HP1BP3: variants seen among roughly 807,000 people sequenced by gnomAD.
HP1BP3 encodes heterochromatin protein 1 binding protein 3.
Under a neutral mutation model 62.5 loss-of-function variants are expected in HP1BP3, and 12 were observed. The ratio of observed to expected loss-of-function variants is 0.19; its 90% CI spans 0.12 to 0.31. The LOEUF (loss-of-function observed/expected upper bound fraction) is 0.31. Among genes scored for constraint, HP1BP3 ranks in the 10% least tolerant of loss-of-function variants. The pLI is 1.00. For synonymous variants in HP1BP3, 260 were observed against 237.8 expected (o/e 1.09, Z -0.86); for missense variants, 502 against 651.8 (o/e 0.77, Z 2.50).
chr1:20,750,772 C>T (rs1295769595), intron 9 of HP1BP3, among the ~76,000 whole-genome samples: 1 of 150,914 alleles, frequency 6.6e-6, no homozygotes, highest in East Asian at 1.9e-4. Flanking sequence ...AAGACATGTA[C>T]GATCATCCAC....
At chr1:20,765,855 C>T (rs907592805) in intron 7 of HP1BP3, among the ~76,000 whole-genome samples, 1 of 151,202 alleles carries the variant, frequency 6.6e-6, no homozygotes, top group Non-Finnish European at 1.5e-5. Context: ...ATCCCAGATA[C>T]TTGGAAGGCT....
In HP1BP3 at chr1:20,751,786, C is replaced by T. The variant is rs1038412999; in HGVS notation, c.982-1904G>A. Among the ~76,000 whole-genome samples the T allele has an allele frequency of 6.7e-5, 10 of 149,312 alleles. 1 individual carries two copies. Among genetic ancestry groups the T allele is most frequent in the Admixed American group, 6.0e-4 (9 of 15,004 alleles). Reference sequence around the variant, plus strand: ...ATACAAAAGAAAATTACATAGCATACTTTGAAAATGAAAGGTGTGGTAACA... The same window carrying T: ...ATACAAAAGAAAATTACATAGCATATTTTGAAAATGAAAGGTGTGGTAACA... On this transcript the variant is annotated intron_variant, in intron 9 of 12. Transcript: ENST00000438032.
intron 9 of HP1BP3, among the ~76,000 whole-genome samples, chr1:20,756,347 T>C (rs1000753529): frequency 6.6e-6 from 1 of 152,138 alleles, no homozygotes; most frequent in Non-Finnish European, 1.5e-5. Flanking sequence ...TGTCTTCTGT[T>C]ATGCTAGATG....
chr1:20,749,216 TTTAAA>T (rs780948066), intron 10 of HP1BP3, among the ~76,000 whole-genome samples: 3 of 152,196 alleles, frequency 2.0e-5, no homozygotes, highest in East Asian at 1.9e-4. Context: ...AAGCAGATGC[TTTAAA>T]TTAAGAATTC....
intron 9 of HP1BP3, among the ~76,000 whole-genome samples, chr1:20,755,992 G>A (rs2056082617): frequency 6.6e-6 from 1 of 152,204 alleles, no homozygotes; most frequent in South Asian, 2.1e-4. Flanking sequence ...GAGGCTGCTG[G>A]TGGAATAGGG....
Position 20,776,067 on chromosome 1 carries a change from T to C in HP1BP3, c.350+530A>G, listed in dbSNP as rs555607919. 7.7e-4 allele frequency: 1,044 copies of C among 1,357,690 alleles called. 13 individuals carry two copies. In the South Asian group the frequency reaches 0.013, roughly 17 times the overall value. The allele number at this position is 1,357,690 out of a possible 1,614,324, so 84.1% of individuals were successfully genotyped here. On this transcript the variant is annotated intron_variant, in intron 4 of 12. Coordinates refer to ENST00000438032, the MANE Select transcript of HP1BP3 (RefSeq NM_001372052.1). The stretch of plus-strand genomic sequence containing the variant: ...AGTAACTGCCATCACTTTATATAGA[T>C]ACACATCAATAGCAAATTTTACTTT...
In HP1BP3 at chr1:20,769,587, ATTTTT is replaced by A. The variant is rs1424401192; in HGVS notation, c.654+1338_654+1342del. Among the ~76,000 whole-genome samples, 4 of 151,612 alleles carry A rather than the reference ATTTTT, an allele frequency of 2.6e-5. No homozygotes were observed. The East Asian group carries it at 7.8e-4, about 30-fold the overall frequency. On this transcript the variant is annotated intron_variant, in intron 6 of 12. Transcript: ENST00000438032. The stretch of plus-strand genomic sequence containing the variant: ...TAAAATAAAATAGAATAAAGAAATA[ATTTTT>A]TTGTAGAGACAGGGCCTCACCTTGC...
intron 8 of HP1BP3, among the ~76,000 whole-genome samples, chr1:20,764,404 C>T (rs886245923): frequency 4.6e-5 from 7 of 151,528 alleles, no homozygotes; most frequent in Admixed American, 3.3e-4. Flanking sequence ...AGTGCAATGG[C>T]GCAATCTCGG....
At position 20,743,449 on chromosome 1, in the gene HP1BP3, G is replaced by A. The variant is rs1176660875; in HGVS notation, c.*1348C>T. 1 of 152,212 alleles carries A rather than the reference G, an allele frequency of 6.6e-6. No homozygotes were observed. Among genetic ancestry groups the A allele is most frequent in the East Asian group, 1.9e-4 (1 of 5,176 alleles). 9.4% of individuals were successfully genotyped at this position (152,212 alleles called of 1,614,324 possible). A position where few individuals can be genotyped will look rare whatever the true frequency, so the allele number is the denominator to read the frequency against. On this transcript the variant is annotated 3_prime_UTR_variant, in exon 13 of 13. Coordinates refer to ENST00000438032, the MANE Select transcript of HP1BP3 (RefSeq NM_001372052.1). The stretch of plus-strand genomic sequence containing the variant: ...GAGGCTGAGGTGAGTGGATCACGAG[G>A]TCAGGAGATCGAGACCATCCTGGCT...
At chr1:20,773,760 A>T in intron 4 of HP1BP3, 150 bp from the exon 5 acceptor site, 1 of 480,968 alleles carries the variant, frequency 2.1e-6, no homozygotes. Flanking sequence ...AAATTTTACA[A>T]AATAAATCTT....
At chr1:20,769,243 C>T (rs1366373857) in intron 6 of HP1BP3, among the ~76,000 whole-genome samples, 1 of 152,112 alleles carries the variant, frequency 6.6e-6, no homozygotes, top group Non-Finnish European at 1.5e-5. Flanking sequence ...GCATGCACCC[C>T]TACATTTGGC....
intron 1 of HP1BP3, among the ~76,000 whole-genome samples, chr1:20,784,070 A>T (rs1179391141): frequency 6.6e-6 from 1 of 152,104 alleles, no homozygotes; most frequent in South Asian, 2.1e-4. Context: ...CCCAGGCTCA[A>T]GCGACTCTCC....
At chr1:20,756,554 A>G (rs1167529179) in intron 9 of HP1BP3, among the ~76,000 whole-genome samples, 1 of 152,148 alleles carries the variant, frequency 6.6e-6, no homozygotes, top group African/African-American at 2.4e-5. Flanking sequence ...TGGGAAACAG[A>G]GAGAAACACT....
chr1:20,775,930 C>T, intron 4 of HP1BP3: 2 of 1,489,564 alleles, frequency 1.3e-6, no homozygotes, highest in South Asian at 1.4e-5. Context: ...TTAAGCAATG[C>T]ATGACTATAG....
At chr1:20,747,874 C>G (rs1465030322) in intron 10 of HP1BP3, among the ~76,000 whole-genome samples, 1 of 152,120 alleles carries the variant, frequency 6.6e-6, no homozygotes, top group African/African-American at 2.4e-5. Context: ...ATACATATAT[C>G]TATATTTTAA....
At chr1:20,748,724 T>C (rs2055508594) in intron 10 of HP1BP3, among the ~76,000 whole-genome samples, 1 of 151,632 alleles carries the variant, frequency 6.6e-6, no homozygotes. Context: ...ATCGCACCAC[T>C]GCGCCCCCCA....
rs2055150896 is a variant in HP1BP3 at position 20,743,645 on chromosome 1, A to T, written c.*1152T>A. The T allele has an allele frequency of 6.6e-6, 1 of 152,144 alleles. No homozygotes were observed. Among genetic ancestry groups the T allele is most frequent in the African/African-American group, 2.4e-5 (1 of 41,428 alleles). 9.4% of individuals were successfully genotyped at this position (152,144 alleles called of 1,614,324 possible). The stretch of plus-strand genomic sequence containing the variant: ...CACTGCACTCCACACTGGGCGACAG[A>T]GCGAGACTCTGTCTCAAAAATAATA... On this transcript the variant is annotated 3_prime_UTR_variant, in exon 13 of 13. Coordinates refer to ENST00000438032, the MANE Select transcript of HP1BP3 (RefSeq NM_001372052.1).
chr1:20,783,165 C>G (rs1023394746), intron 1 of HP1BP3, among the ~76,000 whole-genome samples: 4 of 151,968 alleles, frequency 2.6e-5, no homozygotes, highest in Non-Finnish European at 4.4e-5. Context: ...TCTGGTAGTA[C>G]TTATGACTAC....
In HP1BP3 at chr1:20,765,488, T is replaced by TC; in HGVS notation, c.778dup (p.Glu260GlyfsTer13). The TC allele has an allele frequency of 6.2e-7, 1 of 1,613,580 alleles. No homozygotes were observed. Among genetic ancestry groups the TC allele is most frequent in the Non-Finnish European group, 8.5e-7 (1 of 1,179,650 alleles). On this transcript the variant is annotated frameshift_variant, in exon 8 of 13. Transcript: ENST00000438032. LOFTEE classifies it high-confidence loss of function. ...AGTAAAGGCCAGTGGGAGGACATCC[T>TC]CCAATTTTACTTGTGGTTCTGGATC...
Sources: allele counts gnomAD v4.1 joint callset (sites outside exome capture counted in the v4.1 genomes callset), GRCh38; gene constraint gnomAD v4.1.1; transcripts MANE v1.5; gene names NCBI Gene and HGNC (gene_info 2026-07-23, HGNC 2026-07-21).